MYO1B: variants seen among roughly 807,000 people sequenced by gnomAD.
MYO1B encodes myosin IB, also known as unconventional myosin-Ib.
In MYO1B, 72 loss-of-function variants were observed where a neutral mutation model predicts 159.7. The ratio of observed to expected loss-of-function variants is 0.45; its 90% CI spans 0.37 to 0.55. MYO1B has a LOEUF of 0.55. MYO1B is among the 20% of genes least tolerant of loss of function. The probability of loss-of-function intolerance (pLI) is 0.00; values close to 1 mark genes in which losing one functional copy is unlikely to be tolerated. For missense variants in MYO1B, 1,062 were observed against 1,364.8 expected, an observed-to-expected ratio of 0.78 and a Z score of 3.50; for synonymous variants, 468 against 473.8, an observed-to-expected ratio of 0.99 and a Z score of 0.16.
intron 2 of MYO1B, among the ~76,000 whole-genome samples, chr2:191,285,391 G>T (rs975345008): frequency 3.3e-5 from 5 of 152,144 alleles, no homozygotes; most frequent in Admixed American, 2.0e-4. Flanking sequence ...GGTAGTGTAG[G>T]CACGTCTTGG....
chr2:191,414,319 G>A (rs1393935902), intron 28 of MYO1B, 139 bp downstream of exon 28: 4 of 1,178,696 alleles, frequency 3.4e-6, no homozygotes, highest in East Asian at 5.1e-5. Flanking sequence ...TTACCTTTAA[G>A]CTTAGGTGGA....
chr2:191,267,380 G>T (rs1574297925), intron 1 of MYO1B, among the ~76,000 whole-genome samples: 1 of 152,218 alleles, frequency 6.6e-6, no homozygotes, highest in East Asian at 1.9e-4. Flanking sequence ...CATAATCCAA[G>T]ATTTTAACAA....
intron 17 of MYO1B, among the ~76,000 whole-genome samples, chr2:191,388,447 T>G (rs1354199794): frequency 6.6e-6 from 1 of 152,182 alleles, no homozygotes; most frequent in Non-Finnish European, 1.5e-5. Context: ...TGGGTCAGAT[T>G]TCATAGAGCA....
chr2:191,284,985 C>G (rs1174785874), intron 2 of MYO1B, among the ~76,000 whole-genome samples: 1 of 152,164 alleles, frequency 6.6e-6, no homozygotes, highest in Non-Finnish European at 1.5e-5. Context: ...CCCTTCCCTG[C>G]CTACTTCTTT....
rs570330194 is a variant in MYO1B at position 191,369,873 on chromosome 2, C to T, written c.1119+245C>T. 2.0e-5 allele frequency among the ~76,000 whole-genome samples: 3 copies of T among 152,144 alleles called. No homozygotes were observed. The South Asian group carries it at 6.2e-4, about 32-fold the overall frequency. ...GTCTTTGTGGAGTTACTCTGGGAGT[C>T]GGCGTCCCAGGTTTTGGCCTGGCTC... On this transcript the variant is annotated intron_variant, in intron 12 of 30. Transcript: ENST00000392318.
At chr2:191,290,706 T>G (rs1192453403) in intron 2 of MYO1B, among the ~76,000 whole-genome samples, 1 of 152,218 alleles carries the variant, frequency 6.6e-6, no homozygotes, top group Non-Finnish European at 1.5e-5. Context: ...ACAGCTATAG[T>G]ACGGCCCTTT....
chr2:191,395,637 G>A (rs185399182), intron 20 of MYO1B, among the ~76,000 whole-genome samples: 8 of 152,350 alleles, frequency 5.3e-5, no homozygotes, highest in African/African-American at 1.2e-4. Flanking sequence ...ACTCCAGGGC[G>A]TCAGCCCTAG....
chr2:191,389,063 A>T (rs900531023), intron 17 of MYO1B, among the ~76,000 whole-genome samples: 5 of 152,118 alleles, frequency 3.3e-5, no homozygotes, highest in African/African-American at 7.2e-5. Context: ...TTCTTTTCCC[A>T]TTGATTTGCT....
chr2:191,274,368 G>C (rs944091502), intron 1 of MYO1B, among the ~76,000 whole-genome samples: 1 of 152,136 alleles, frequency 6.6e-6, no homozygotes, highest in African/African-American at 2.4e-5. Flanking sequence ...ATGGTGAAGC[G>C]GGTAATTACA....
chr2:191,249,898 C>CT (rs1455239378), intron 1 of MYO1B, among the ~76,000 whole-genome samples: 1 of 152,168 alleles, frequency 6.6e-6, no homozygotes, highest in African/African-American at 2.4e-5. Context: ...TTGCTAAACT[C>CT]TAACAGGTGA....
chr2:191,256,846 A>T (rs1380211501), intron 1 of MYO1B, among the ~76,000 whole-genome samples: 1 of 152,210 alleles, frequency 6.6e-6, no homozygotes, highest in African/African-American at 2.4e-5. Context: ...TTGTGCTTAT[A>T]GTTGCAGAAA....
intron 3 of MYO1B, among the ~76,000 whole-genome samples, chr2:191,327,854 A>G (rs1444084668): frequency 1.3e-5 from 2 of 152,226 alleles, no homozygotes; most frequent in Non-Finnish European, 2.9e-5. Context: ...TTTTATTCAT[A>G]CATTCATTCA....
intron 2 of MYO1B, among the ~76,000 whole-genome samples, chr2:191,290,665 T>C (rs1027197298): frequency 3.3e-5 from 5 of 152,230 alleles, no homozygotes; most frequent in Non-Finnish European, 5.9e-5. Context: ...TTATTTCTTA[T>C]ATATGAGTTG....
intron 3 of MYO1B, among the ~76,000 whole-genome samples, chr2:191,324,912 A>G (rs955712396): frequency 2.0e-5 from 3 of 152,182 alleles, no homozygotes; most frequent in African/African-American, 4.8e-5. Context: ...ATATTTTCCA[A>G]TTGGGCAAAT....
intron 1 of MYO1B, among the ~76,000 whole-genome samples, chr2:191,250,348 T>C (rs966729287): frequency 6.6e-6 from 1 of 152,214 alleles, no homozygotes; most frequent in African/African-American, 2.4e-5. Context: ...GAACCCTGAC[T>C]GAGGTCCAAA....
intron 12 of MYO1B, 69 bp from the exon 13 acceptor site, chr2:191,370,158 T>C (rs1694268166): frequency 2.1e-6 from 2 of 963,392 alleles, no homozygotes; most frequent in South Asian, 3.0e-5. Flanking sequence ...TATATATCTA[T>C]GTTCCTTGGA....
chr2:191,254,429 C>T (rs994755542), intron 1 of MYO1B, among the ~76,000 whole-genome samples: 1 of 151,928 alleles, frequency 6.6e-6, no homozygotes, highest in Non-Finnish European at 1.5e-5. Context: ...AGACTGATCT[C>T]GAACTCCTGA....
intron 1 of MYO1B, among the ~76,000 whole-genome samples, chr2:191,248,733 A>G (rs974727546): frequency 6.6e-6 from 1 of 152,204 alleles, no homozygotes; most frequent in Non-Finnish European, 1.5e-5. Flanking sequence ...GTAGCTAACT[A>G]CTAAGTGGTG....
At chr2:191,246,737 T>C (rs1245924263) in intron 1 of MYO1B, among the ~76,000 whole-genome samples, 2 of 152,194 alleles carry the variant, frequency 1.3e-5, no homozygotes, top group Non-Finnish European at 2.9e-5. Context: ...ACAACAGTTT[T>C]CCAGGACTGT....
Sources: gnomAD v4.1 joint callset for allele counts (sites outside exome capture counted in the v4.1 genomes callset) on GRCh38, gnomAD v4.1.1 for gene constraint, MANE v1.5 for transcripts, NCBI Gene and HGNC (gene_info 2026-07-23, HGNC 2026-07-21) for gene names.